Variants in RSU1 observed in about 807,000 individuals in gnomAD.
RSU1 encodes Ras suppressor protein 1.
Under a neutral mutation model 31.1 loss-of-function variants are expected in RSU1, and 26 were observed. The ratio of observed to expected loss-of-function variants is 0.84; its 90% CI spans 0.61 to 1.16. RSU1 has a LOEUF of 1.16. RSU1 is among the 50% of genes most tolerant of loss of function. The pLI, the probability that RSU1 is intolerant of heterozygous loss-of-function variation, is 0.00. For missense variants in RSU1, 320 were observed against 339.1 expected (o/e 0.94, Z 0.44); for synonymous variants, 164 against 136.3 (o/e 1.20, Z -1.41).
intron 8 of RSU1, among the ~76,000 whole-genome samples, chr10:16,616,391 A>C (rs1480921810): frequency 6.7e-6 from 1 of 149,394 alleles, no homozygotes; most frequent in East Asian, 1.9e-4. Flanking sequence ...AAAAAAAAAA[A>C]AAAACCCCAG....
chr10:16,728,045 T>A (rs1262757684), intron 7 of RSU1, among the ~76,000 whole-genome samples: 2 of 152,238 alleles, frequency 1.3e-5, no homozygotes, highest in African/African-American at 2.4e-5. Context: ...ACAAATTGTA[T>A]CTTTCAAAAC....
chr10:16,620,652 T>C (rs1398093366), intron 8 of RSU1, among the ~76,000 whole-genome samples: 1 of 151,640 alleles, frequency 6.6e-6, no homozygotes, highest in Non-Finnish European at 1.5e-5. Context: ...AAGACCATCA[T>C]GGCTAACACG....
chr10:16,816,273 C>T (rs139678765), intron 2 of RSU1, among the ~76,000 whole-genome samples: 137 of 152,292 alleles, frequency 9.0e-4, no homozygotes, highest in African/African-American at 3.2e-3. Context: ...GCAGCTGGCC[C>T]CTTCAAGTGG....
At chr10:16,710,282 T>C (rs930594850) in intron 7 of RSU1, among the ~76,000 whole-genome samples, 4 of 152,212 alleles carry the variant, frequency 2.6e-5, no homozygotes. Context: ...TTTTGTCTCT[T>C]TTTGTTAATG....
intron 7 of RSU1, among the ~76,000 whole-genome samples, chr10:16,707,387 C>G (rs1005453151): frequency 6.6e-6 from 1 of 152,018 alleles, no homozygotes; most frequent in Non-Finnish European, 1.5e-5. Flanking sequence ...CCTTGCCAAC[C>G]CTTATTTTCT....
At chr10:16,814,475 A>G (rs1838485378) in intron 2 of RSU1, among the ~76,000 whole-genome samples, 1 of 151,914 alleles carries the variant, frequency 6.6e-6, no homozygotes, top group Admixed American at 6.6e-5. Context: ...AAAAGAAAAA[A>G]AAATTCTTAC....
intron 8 of RSU1, among the ~76,000 whole-genome samples, chr10:16,669,932 A>G (rs889612642): frequency 3.9e-5 from 6 of 152,220 alleles, no homozygotes; most frequent in African/African-American, 1.4e-4. Context: ...AGGCAAAAGT[A>G]CTGGTATTTA....
chr10:16,695,279 T>C, intron 7 of RSU1, 124 bp from the exon 8 acceptor site: 1 of 895,486 alleles, frequency 1.1e-6, no homozygotes, highest in Non-Finnish European at 1.6e-6. Flanking sequence ...TTGGATCATT[T>C]GATGTCTTTT....
intron 7 of RSU1, among the ~76,000 whole-genome samples, chr10:16,703,268 G>A (rs941364443): frequency 1.1e-4 from 16 of 152,244 alleles, no homozygotes; most frequent in African/African-American, 2.9e-4. Flanking sequence ...ATAGCAGTGC[G>A]AGAACAGACT....
intron 8 of RSU1, among the ~76,000 whole-genome samples, chr10:16,594,789 A>ATAT (rs1554757038): frequency 7.3e-6 from 1 of 136,958 alleles, no homozygotes; most frequent in African/African-American, 2.7e-5. Context: ...ATATATATAT[A>ATAT]TTTTTTTTTT....
chr10:16,693,932 T>C (rs149914390), intron 8 of RSU1, among the ~76,000 whole-genome samples: 1 of 152,170 alleles, frequency 6.6e-6, no homozygotes, highest in East Asian at 1.9e-4. Flanking sequence ...ACAGATTACA[T>C]TTGAGTAGGG....
At chr10:16,773,914 T>C (rs1359989385) in intron 3 of RSU1, among the ~76,000 whole-genome samples, 1 of 151,858 alleles carries the variant, frequency 6.6e-6, no homozygotes, top group Admixed American at 6.6e-5. Context: ...GAACAAAGAA[T>C]AGATAGGCAG....
At chr10:16,736,803 T>C (rs1836637237) in intron 7 of RSU1, among the ~76,000 whole-genome samples, 1 of 151,710 alleles carries the variant, frequency 6.6e-6, no homozygotes, top group Non-Finnish European at 1.5e-5. Context: ...AAGAAAAACA[T>C]GAACATAATA....
chr10:16,728,087 G>A (rs1162887263), intron 7 of RSU1, among the ~76,000 whole-genome samples: 1 of 152,178 alleles, frequency 6.6e-6, no homozygotes. Flanking sequence ...CCCTCTGAAT[G>A]AGACTATTTG....
intron 3 of RSU1, among the ~76,000 whole-genome samples, chr10:16,769,089 A>G (rs1588523013): frequency 6.6e-6 from 1 of 152,318 alleles, no homozygotes; most frequent in African/African-American, 2.4e-5. Context: ...GCTTCCCCCA[A>G]CTGGTCAGCA....
intron 2 of RSU1, among the ~76,000 whole-genome samples, chr10:16,790,729 C>T (rs1338623577): frequency 6.6e-6 from 1 of 152,070 alleles, no homozygotes; most frequent in Non-Finnish European, 1.5e-5. Flanking sequence ...GGGGTGGATT[C>T]CCCCTTGCTT....
intron 4 of RSU1, among the ~76,000 whole-genome samples, chr10:16,756,042 A>C (rs966870137): frequency 6.6e-6 from 1 of 152,224 alleles, no homozygotes; most frequent in Non-Finnish European, 1.5e-5. Flanking sequence ...CAAAATATAC[A>C]CATGAAGCTT....
intron 1 of RSU1, 67 bp downstream of exon 1, chr10:16,817,248 A>C: frequency 3.2e-5 from 8 of 253,244 alleles, no homozygotes; most frequent in Admixed American, 7.8e-5. Flanking sequence ...ATGGAGTGGG[A>C]AGGGTTCAGC....
At chr10:16,716,848 A>G (rs554321253) in intron 7 of RSU1, among the ~76,000 whole-genome samples, 1 of 134,688 alleles carries the variant, frequency 7.4e-6, no homozygotes, top group South Asian at 2.1e-4. Context: ...ACAAGAGGTC[A>G]AACAAATACA....
Sources: allele counts gnomAD v4.1 joint callset (sites outside exome capture counted in the v4.1 genomes callset), GRCh38; gene constraint gnomAD v4.1.1; transcripts MANE v1.5; gene names NCBI Gene and HGNC (gene_info 2026-07-23, HGNC 2026-07-21).